PDE1A: variants seen among roughly 807,000 people sequenced by gnomAD.
The protein encoded by PDE1A is dual specificity calcium/calmodulin-dependent 3',5'-cyclic nucleotide phosphodiesterase 1A.
A neutral mutation model predicts 61.7 loss-of-function variants in PDE1A; 35 were observed. That is an observed-to-expected ratio of 0.57 (90% CI 0.43 to 0.75). PDE1A has a LOEUF of 0.75. Among genes scored for constraint, PDE1A ranks in the 30% least tolerant of loss-of-function variants. The pLI is 0.00. For missense variants in PDE1A, 597 were observed against 630.6 expected (o/e 0.95, Z 0.57); for synonymous variants, 232 against 213.2 (o/e 1.09, Z -0.77).
intron 1 of PDE1A, among the ~76,000 whole-genome samples, chr2:182,385,563 A>T (rs1414389231): frequency 6.6e-6 from 1 of 151,950 alleles, no homozygotes; most frequent in Non-Finnish European, 1.5e-5. Context: ...ACACAAAAAA[A>T]TAAAAAGCAA....
intron 1 of PDE1A, among the ~76,000 whole-genome samples, chr2:182,345,905 CTTTATTG>C (rs2125069003): frequency 6.6e-6 from 1 of 152,260 alleles, no homozygotes; most frequent in African/African-American, 2.4e-5. Flanking sequence ...TTATTTATTA[CTTTATTG>C]TTTATTATCT....
the PDE1A span, among the ~76,000 whole-genome samples, chr2:182,557,005 A>G: frequency 1.3e-5 from 2 of 152,230 alleles, no homozygotes; most frequent in African/African-American, 4.8e-5. Context: ...TGGAATTAGA[A>G]TAAACAAGGC....
chr2:182,568,757 G>A, the PDE1A span, among the ~76,000 whole-genome samples: 1 of 152,092 alleles, frequency 6.6e-6, no homozygotes, highest in South Asian at 2.1e-4. Context: ...ACATGTAATT[G>A]CACTCAAAAA....
At chr2:182,629,220 T>G in the PDE1A span, among the ~76,000 whole-genome samples, 2 of 152,180 alleles carry the variant, frequency 1.3e-5, no homozygotes, top group Non-Finnish European at 2.9e-5. Flanking sequence ...TGCCAACACC[T>G]TGATTGTAGC....
At chr2:182,465,761 C>T (rs557399936) in intron 2 of PDE1A, among the ~76,000 whole-genome samples, 23 of 152,094 alleles carry the variant, frequency 1.5e-4, no homozygotes, top group Middle Eastern at 3.4e-3. Context: ...CCCCAAATCA[C>T]GATTATTACT....
chr2:182,218,186 G>A (rs1442184928), intron 7 of PDE1A, among the ~76,000 whole-genome samples: 4 of 147,558 alleles, frequency 2.7e-5, no homozygotes, highest in Admixed American at 1.4e-4. Flanking sequence ...ACCAAACACC[G>A]CATATTCTCA....
At chr2:182,272,285 C>T (rs1299602274) in intron 1 of PDE1A, among the ~76,000 whole-genome samples, 1 of 152,140 alleles carries the variant, frequency 6.6e-6, no homozygotes. Flanking sequence ...CACTCAGGGC[C>T]TTGCACTTGG....
chr2:182,171,977 A>G (rs905042013), intron 13 of PDE1A, among the ~76,000 whole-genome samples: 2 of 151,872 alleles, frequency 1.3e-5, no homozygotes, highest in Non-Finnish European at 2.9e-5. Context: ...TGCATGCATT[A>G]CTCATATTGC....
chr2:182,604,670 AT>A, the PDE1A span, among the ~76,000 whole-genome samples: 1 of 152,218 alleles, frequency 6.6e-6, no homozygotes, highest in African/African-American at 2.4e-5. Context: ...CTACTGATTA[AT>A]TTTAATTTCT....
chr2:182,395,837 T>C (rs1701673485), intron 1 of PDE1A, among the ~76,000 whole-genome samples: 1 of 152,128 alleles, frequency 6.6e-6, no homozygotes, highest in African/African-American at 2.4e-5. Flanking sequence ...AGATAACTAC[T>C]CTCCTTTTGA....
At chr2:182,697,761 AT>A in the PDE1A span, among the ~76,000 whole-genome samples, 1 of 152,216 alleles carries the variant, frequency 6.6e-6, no homozygotes, top group Non-Finnish European at 1.5e-5. Flanking sequence ...CTTGGAGGGA[AT>A]TAGGACGCAT....
exon 12 of PDE1A, chr2:182,186,552 A>C: frequency 6.2e-7 from 1 of 1,612,682 alleles, no homozygotes; most frequent in Admixed American, 1.7e-5. Flanking sequence ...GTCTGTCAGA[A>C]GAGAAAATGT....
chr2:182,702,322 C>T, the PDE1A span, among the ~76,000 whole-genome samples: 2 of 152,118 alleles, frequency 1.3e-5, no homozygotes, highest in South Asian at 2.1e-4. Context: ...CAGCTGGTCT[C>T]GAACTCCTGA....
the PDE1A span, among the ~76,000 whole-genome samples, chr2:182,648,740 A>G: frequency 6.6e-6 from 1 of 151,938 alleles, no homozygotes; most frequent in Admixed American, 6.6e-5. Context: ...AAGGCAGTTA[A>G]AGCCAGTTGC....
At chr2:182,223,896 T>G in exon 7 of PDE1A, 1 of 1,600,960 alleles carries the variant, frequency 6.2e-7, no homozygotes, top group Non-Finnish European at 8.5e-7. Context: ...TTGTTGTCCC[T>G]GTATGCTCAT....
the PDE1A span, among the ~76,000 whole-genome samples, chr2:182,691,884 T>G: frequency 6.6e-6 from 1 of 150,814 alleles, no homozygotes. Flanking sequence ...CAGACACTTC[T>G]CAAAAGAAGA....
the PDE1A span, among the ~76,000 whole-genome samples, chr2:182,714,843 G>A: frequency 3.3e-5 from 5 of 152,126 alleles, no homozygotes; most frequent in Admixed American, 1.3e-4. Context: ...ACAAGCGTGA[G>A]CCACCACACC....
At chr2:182,679,135 G>C in the PDE1A span, among the ~76,000 whole-genome samples, 1 of 149,962 alleles carries the variant, frequency 6.7e-6, no homozygotes. Context: ...CTCCTGAGTA[G>C]CTGGGACTAC....
chr2:182,257,943 A>C (rs1262819307), intron 2 of PDE1A, among the ~76,000 whole-genome samples: 1 of 152,170 alleles, frequency 6.6e-6, no homozygotes, highest in African/African-American at 2.4e-5. Flanking sequence ...CGAGGCGGGC[A>C]GATCACGAGG....
Sources: gnomAD v4.1 joint callset for allele counts (sites outside exome capture counted in the v4.1 genomes callset) on GRCh38, gnomAD v4.1.1 for gene constraint, MANE v1.5 for transcripts, NCBI Gene and HGNC (gene_info 2026-07-23, HGNC 2026-07-21) for gene names.